The following PLXNC1 variants were observed in gnomAD, a reference collection of about 807,000 sequenced individuals.
PLXNC1 encodes plexin C1.
In PLXNC1, 75 loss-of-function variants were observed where a neutral mutation model predicts 178.2. The observed-to-expected ratio is 0.42, with a 90% CI of 0.35 to 0.51. The LOEUF (loss-of-function observed/expected upper bound fraction) is 0.51, where lower values mean the gene tolerates loss of function less well. PLXNC1 is among the 20% of genes least tolerant of loss of function. The probability of loss-of-function intolerance (pLI) is 0.02; values close to 1 mark genes in which losing one functional copy is unlikely to be tolerated. For synonymous variants in PLXNC1, 790 were observed against 779.9 expected (o/e 1.01, Z -0.22); for missense variants, 1,503 against 1,984.4 (o/e 0.76, Z 4.61).
intron 4 of PLXNC1, among the ~76,000 whole-genome samples, chr12:94,191,865 C>T (rs1277051140): frequency 2.6e-5 from 4 of 151,912 alleles, no homozygotes; most frequent in African/African-American, 9.7e-5. Flanking sequence ...TTGTTGGAAC[C>T]TCAGATCCAA....
intron 9 of PLXNC1, among the ~76,000 whole-genome samples, chr12:94,231,542 G>C (rs933265357): frequency 6.6e-6 from 1 of 152,098 alleles, no homozygotes; most frequent in Non-Finnish European, 1.5e-5. Context: ...TTATGAGGTA[G>C]GGTCCTGGTT....
At chr12:94,161,062 A>G (rs1242200723) in intron 1 of PLXNC1, among the ~76,000 whole-genome samples, 1 of 152,218 alleles carries the variant, frequency 6.6e-6, no homozygotes, top group Non-Finnish European at 1.5e-5. Context: ...GCTAAGTTCC[A>G]GTTAGAGCTC....
At chr12:94,275,034 G>A (rs1030743241) in intron 21 of PLXNC1, among the ~76,000 whole-genome samples, 12 of 152,208 alleles carry the variant, frequency 7.9e-5, no homozygotes, top group Non-Finnish European at 1.8e-4. Flanking sequence ...AAGGCTCAGC[G>A]AAGTTAGACG....
chr12:94,186,797 GC>G (rs904679355), intron 4 of PLXNC1: 13 of 250,478 alleles, frequency 5.2e-5, no homozygotes, highest in African/African-American at 1.1e-4. Context: ...AGGCAAAAGG[GC>G]CCCCCCTCCG....
chr12:94,298,391 A>G (rs1968139347), intron 26 of PLXNC1, among the ~76,000 whole-genome samples: 1 of 152,214 alleles, frequency 6.6e-6, no homozygotes, highest in African/African-American at 2.4e-5. Flanking sequence ...CCAGTTGACT[A>G]AACAATGTTA....
At chr12:94,205,693 A>T (rs975373222) in intron 4 of PLXNC1, among the ~76,000 whole-genome samples, 1 of 152,198 alleles carries the variant, frequency 6.6e-6, no homozygotes, top group Non-Finnish European at 1.5e-5. Context: ...CAGAATGCCC[A>T]CTTCTGTGTT....
At chr12:94,273,560 G>A (rs1257611499) in intron 21 of PLXNC1, among the ~76,000 whole-genome samples, 1 of 152,120 alleles carries the variant, frequency 6.6e-6, no homozygotes, top group African/African-American at 2.4e-5. Context: ...CGACCTAAAA[G>A]AGGTACCTCT....
intron 4 of PLXNC1, among the ~76,000 whole-genome samples, chr12:94,190,700 C>T (rs1962689204): frequency 6.6e-6 from 1 of 152,244 alleles, no homozygotes; most frequent in Admixed American, 6.5e-5. Flanking sequence ...CTGCCAGGGC[C>T]TGCATACCAG....
intron 20 of PLXNC1, among the ~76,000 whole-genome samples, chr12:94,264,496 G>C (rs1479537803): frequency 2.0e-5 from 3 of 152,196 alleles, no homozygotes; most frequent in East Asian, 3.9e-4. Flanking sequence ...GTGTGTCTGG[G>C]AACTGCCCGG....
chr12:94,297,150 T>TAA, intron 24 of PLXNC1, 39 bp from the exon 25 acceptor site: 4 of 1,611,464 alleles, frequency 2.5e-6, no homozygotes, highest in Non-Finnish European at 3.4e-6. Context: ...TTGCTTTTTT[T>TAA]AATGGACTGC....
At chr12:94,157,265 G>A (rs1228704115) in intron 1 of PLXNC1, among the ~76,000 whole-genome samples, 2 of 152,152 alleles carry the variant, frequency 1.3e-5, no homozygotes, top group Admixed American at 1.3e-4. Context: ...CAGGATGGCG[G>A]AAGAGCCACA....
Position 94,305,205 on chromosome 12 carries a change from C to T in PLXNC1, c.4627C>T (p.Arg1543Ter), listed in dbSNP as rs1246111552. 4 of 1,608,398 alleles carry T rather than the reference C, an allele frequency of 2.5e-6. No homozygotes were observed. The highest frequency in any genetic ancestry group is 1.7e-5 in the Admixed American group (1 of 59,856). ...DEILNKLERERGLEEAQKQLL... is the reference protein window; with the variant it reads ...DEILNKLERE The stretch of plus-strand genomic sequence containing the variant: ...GATTCTAAATAAACTAGAAAGAGAA[C>T]GAGGGCTGGAAGAAGCTCAGAAACA... The change falls in exon 31 of 31, where the codon CGA (arginine) becomes TGA (stop). Residue 1543 changes from arginine to a stop codon, truncating the protein, a stop_gained. Coordinates refer to ENST00000258526, the MANE Select transcript of PLXNC1 (RefSeq NM_005761.3). LOFTEE classifies it high-confidence loss of function.
At chr12:94,171,015 A>G (rs1273432902) in intron 2 of PLXNC1, among the ~76,000 whole-genome samples, 2 of 152,172 alleles carry the variant, frequency 1.3e-5, no homozygotes, top group Non-Finnish European at 1.5e-5. Context: ...GATGTTTTTG[A>G]TGAGTGTTTT....
At chr12:94,220,926 C>T (rs908022909) in intron 6 of PLXNC1, among the ~76,000 whole-genome samples, 5 of 152,148 alleles carry the variant, frequency 3.3e-5, no homozygotes, top group African/African-American at 9.7e-5. Flanking sequence ...AGAGCTTCTA[C>T]ATGGCCAAGG....
rs201863875 is a variant in PLXNC1 at position 94,297,329 on chromosome 12, C to T, written c.3980C>T (p.Ser1327Leu). Reference sequence around the variant, plus strand: ...TCTTCCCTTCAGATTTTACCAGATTCGGAAGCATTCCAAGATGTGCAAGGA... The same window carrying T: ...TCTTCCCTTCAGATTTTACCAGATTTGGAAGCATTCCAAGATGTGCAAGGA... The part of the protein sequence containing the change: ...DDHCHLILPD[S>L]EAFQDVQGKR... The change falls in exon 26 of 31, where the codon TCG becomes TTG. Residue 1327 changes from serine (S) to leucine (L), a missense_variant. Ser to Leu is a moderately radical substitution (Grantham distance 145, BLOSUM62 -2). Coordinates refer to ENST00000258526, the MANE Select transcript of PLXNC1 (RefSeq NM_005761.3). 2.5e-5 allele frequency: 40 copies of T among 1,613,740 alleles called. No homozygotes were observed. The highest frequency in any genetic ancestry group is 1.3e-5 in the African/African-American group (1 of 74,862).
At chr12:94,204,145 C>T (rs1277948456) in intron 4 of PLXNC1, among the ~76,000 whole-genome samples, 1 of 152,192 alleles carries the variant, frequency 6.6e-6, no homozygotes, top group East Asian at 1.9e-4. Flanking sequence ...ATTATAGCAA[C>T]ACAAAACAGA....
At chr12:94,177,127 GTGTA>G (rs1962088925) in intron 2 of PLXNC1, among the ~76,000 whole-genome samples, 1 of 87,346 alleles carries the variant, frequency 1.1e-5, no homozygotes, top group African/African-American at 4.2e-5. Context: ...ATGTGTGTGT[GTGTA>G]TATATATGTG....
chr12:94,157,915 A>C (rs2135924739), intron 1 of PLXNC1, among the ~76,000 whole-genome samples: 1 of 152,370 alleles, frequency 6.6e-6, no homozygotes, highest in Non-Finnish European at 1.5e-5. Flanking sequence ...CGAAATGTGA[A>C]TTCCCTGTAA....
intron 5 of PLXNC1, among the ~76,000 whole-genome samples, chr12:94,218,969 T>C (rs1474100011): frequency 2.0e-5 from 3 of 152,040 alleles, no homozygotes. Flanking sequence ...GAGAAACAGA[T>C]GAAAAAAGTC....
Sources: gnomAD v4.1 joint callset for allele counts (sites outside exome capture counted in the v4.1 genomes callset) on GRCh38, gnomAD v4.1.1 for gene constraint, MANE v1.5 for transcripts, NCBI Gene and HGNC (gene_info 2026-07-23, HGNC 2026-07-21) for gene names.